Variants in ATP8A1 observed in about 807,000 individuals in gnomAD.
ATP8A1 encodes the protein phospholipid-transporting ATPase IA.
In ATP8A1, 90 loss-of-function variants were observed where a neutral mutation model predicts 177.7. That is an observed-to-expected ratio of 0.51 (90% CI 0.43 to 0.60). The LOEUF is 0.60. Among genes scored for constraint, ATP8A1 ranks in the 20% least tolerant of loss-of-function variants. The probability of loss-of-function intolerance (pLI) is 0.00; values close to 1 mark genes in which losing one functional copy is unlikely to be tolerated. For synonymous variants in ATP8A1, 493 were observed against 485.9 expected, an observed-to-expected ratio of 1.01 and a Z score of -0.19; for missense variants, 1,072 against 1,392.8, an observed-to-expected ratio of 0.77 and a Z score of 3.67.
chr4:42,458,172 G>A (rs12509060), intron 27 of ATP8A1, among the ~76,000 whole-genome samples: 148,157 of 152,326 alleles, frequency 0.97, 72,167 homozygotes, highest in East Asian at 1. Context: ...AGTTAATATT[G>A]GGAACATATC....
At chr4:42,551,161 C>G in intron 18 of ATP8A1, 37 bp downstream of exon 18, 1 of 1,516,460 alleles carries the variant, frequency 6.6e-7, no homozygotes, top group Non-Finnish European at 9.2e-7. Context: ...AAATGTATTA[C>G]TTGGATTAAA....
At chr4:42,526,590 C>T (rs1046783778) in intron 20 of ATP8A1, among the ~76,000 whole-genome samples, 8 of 152,126 alleles carry the variant, frequency 5.3e-5, no homozygotes, top group Non-Finnish European at 2.9e-5. Flanking sequence ...CCTTGAACAT[C>T]GGACTCCAAG....
chr4:42,455,958 T>C (rs1055775721), intron 27 of ATP8A1, among the ~76,000 whole-genome samples: 1 of 152,188 alleles, frequency 6.6e-6, no homozygotes, highest in African/African-American at 2.4e-5. Context: ...ATCAGGATTG[T>C]AGTTATTTAA....
intron 21 of ATP8A1, among the ~76,000 whole-genome samples, chr4:42,524,266 G>A (rs761780976): frequency 6.6e-6 from 1 of 152,038 alleles, no homozygotes; most frequent in Non-Finnish European, 1.5e-5. Context: ...CGTGTGGTAG[G>A]GGCTCTCTAA....
chr4:42,412,978 C>T lies in ATP8A1; in HGVS notation c.3433G>A (p.Val1145Ile), dbSNP rs779394605. 6 of 1,613,418 alleles carry T rather than the reference C, an allele frequency of 3.7e-6. No individual in the cohort carries two copies. In the African/African-American group the frequency reaches 4.0e-5, roughly 11 times the overall value. Reference sequence around the variant, plus strand: ...GCTCTTATCACTTCAGACTGTGAAACGATTCCATTTTCATCTTGAGAGAAC... The same window carrying T: ...GCTCTTATCACTTCAGACTGTGAAATGATTCCATTTTCATCTTGAGAGAAC... ...YAFSQDENGI[V>I]SQSEVIRAYD... The change falls in exon 37 of 37, where the codon GTT becomes ATT. Residue 1145 changes from valine to isoleucine, a missense_variant. Physicochemically the swap from Val to Ile is conservative, Grantham distance 29. Transcript: ENST00000381668.
At chr4:42,651,806 CCTTATGA>C (rs2109586626) in intron 1 of ATP8A1, among the ~76,000 whole-genome samples, 2 of 152,302 alleles carry the variant, frequency 1.3e-5, no homozygotes, top group South Asian at 4.1e-4. Flanking sequence ...AGCCAACATC[CCTTATGA>C]CTTTGTGTAG....
chr4:42,526,779 C>A (rs1223960897), intron 20 of ATP8A1, among the ~76,000 whole-genome samples: 1 of 152,026 alleles, frequency 6.6e-6, no homozygotes, highest in Non-Finnish European at 1.5e-5. Flanking sequence ...GATTTTGGTA[C>A]CAAGAGTGGC....
intron 19 of ATP8A1, among the ~76,000 whole-genome samples, chr4:42,545,638 G>C (rs774617823): frequency 3.3e-5 from 5 of 152,144 alleles, no homozygotes; most frequent in African/African-American, 9.7e-5. Flanking sequence ...CCTCACCCCA[G>C]AAGCTTGACA....
At chr4:42,485,201 A>G (rs143428120) in intron 25 of ATP8A1, among the ~76,000 whole-genome samples, 127 of 152,320 alleles carry the variant, frequency 8.3e-4, no homozygotes, top group Admixed American at 3.0e-3. Flanking sequence ...AGACAACAGG[A>G]CCTTTAAAGA....
chr4:42,616,356 C>G (rs183937493), intron 4 of ATP8A1, among the ~76,000 whole-genome samples: 1 of 152,056 alleles, frequency 6.6e-6, no homozygotes, highest in Non-Finnish European at 1.5e-5. Context: ...GATCTTACCT[C>G]GGCACATAGG....
chr4:42,544,015 T>C (rs748132869), intron 19 of ATP8A1, 29 bp from the exon 20 acceptor site: 1 of 1,574,800 alleles, frequency 6.4e-7, no homozygotes, highest in South Asian at 1.1e-5. Flanking sequence ...GCATAATGTG[T>C]CATCATACCA....
At chr4:42,451,716 G>GA (rs1207809286) in intron 30 of ATP8A1, among the ~76,000 whole-genome samples, 1 of 151,968 alleles carries the variant, frequency 6.6e-6, no homozygotes, top group African/African-American at 2.4e-5. Context: ...TCAACAGAGG[G>GA]AAAAAAAGCC....
intron 1 of ATP8A1, among the ~76,000 whole-genome samples, chr4:42,633,647 A>G (rs1217161419): frequency 6.6e-6 from 1 of 152,220 alleles, no homozygotes; most frequent in Admixed American, 6.5e-5. Context: ...CATTATGCAT[A>G]TAATAGAACT....
chr4:42,418,147 C>T (rs1713456731), intron 35 of ATP8A1, among the ~76,000 whole-genome samples: 1 of 151,310 alleles, frequency 6.6e-6, no homozygotes, highest in Non-Finnish European at 1.5e-5. Flanking sequence ...GCACTGTCAC[C>T]ATCTACACCA....
At chr4:42,585,791 G>A (rs533015365) in intron 9 of ATP8A1, among the ~76,000 whole-genome samples, 3 of 151,918 alleles carry the variant, frequency 2.0e-5, no homozygotes, top group African/African-American at 7.3e-5. Context: ...TGAGGGAAGG[G>A]GTAGAAGAGA....
intron 35 of ATP8A1, among the ~76,000 whole-genome samples, chr4:42,416,293 C>T (rs559853708): frequency 1.7e-4 from 26 of 152,014 alleles, no homozygotes; most frequent in Non-Finnish European, 3.2e-4. Flanking sequence ...TGTTTCAAAC[C>T]GAAATGACTA....
At chr4:42,427,352 GC>G (rs1423361939) in intron 33 of ATP8A1, among the ~76,000 whole-genome samples, 1 of 152,184 alleles carries the variant, frequency 6.6e-6, no homozygotes, top group Non-Finnish European at 1.5e-5. Context: ...CAAGAGATAG[GC>G]AAGAGACCTG....
intron 33 of ATP8A1, among the ~76,000 whole-genome samples, chr4:42,425,159 A>C: frequency 6.6e-6 from 1 of 152,206 alleles, no homozygotes. Context: ...GTAAGGTAAG[A>C]ATTCCAAGGC....
chr4:42,613,157 A>G (rs1394576962), intron 5 of ATP8A1, among the ~76,000 whole-genome samples: 2 of 152,248 alleles, frequency 1.3e-5, no homozygotes, highest in Admixed American at 6.5e-5. Context: ...GACAGCAAAC[A>G]GTATCCTACT....
Sources: allele counts gnomAD v4.1 joint callset (sites outside exome capture counted in the v4.1 genomes callset), GRCh38; gene constraint gnomAD v4.1.1; transcripts MANE v1.5; gene names NCBI Gene and HGNC (gene_info 2026-07-23, HGNC 2026-07-21).